The following CACNA1C variants were observed in gnomAD, a reference collection of about 807,000 sequenced individuals.
CACNA1C encodes the protein voltage-dependent L-type calcium channel subunit alpha-1C.
A neutral mutation model predicts 229.0 loss-of-function variants in CACNA1C; 30 were observed. The ratio of observed to expected loss-of-function variants is 0.13; its 90% CI spans 0.10 to 0.18. The LOEUF (loss-of-function observed/expected upper bound fraction) is 0.18. Among genes scored for constraint, CACNA1C ranks in the 10% least tolerant of loss-of-function variants. The probability of loss-of-function intolerance (pLI) is 1.00; values close to 1 mark genes in which losing one functional copy is unlikely to be tolerated. For synonymous variants in CACNA1C, 1,114 were observed against 1,132.5 expected (o/e 0.98, Z 0.33); for missense variants, 1,658 against 2,845.0 (o/e 0.58, Z 9.49).
At chr12:2,019,489 AAGGG>A (rs139670456) in intron 1 of CACNA1C, among the ~76,000 whole-genome samples, 140 of 129,096 alleles carry the variant, frequency 1.1e-3, no homozygotes, top group South Asian at 1.8e-3. Flanking sequence ...AAAGAAAAGA[AAGGG>A]AGGGAGGGAG....
chr12:2,355,435 A>G (rs2154528529), intron 3 of CACNA1C, among the ~76,000 whole-genome samples: 1 of 151,860 alleles, frequency 6.6e-6, no homozygotes. Flanking sequence ...GTGGTTCAGT[A>G]TTTTCAGAAG....
rs538289850 is a variant in CACNA1C at position 2,636,302 on chromosome 12, C to T, written c.3912+1922C>T. Among the ~76,000 whole-genome samples, 29 of 152,346 alleles carry T rather than the reference C, an allele frequency of 1.9e-4. No individual in the cohort carries two copies. In the South Asian group the frequency reaches 4.8e-3, roughly 25 times the overall value. ...AGCTCTGGGGGTCCTATGGGTTCTTCCTACAGTCACCAAGGCCCCATCGCT... is the reference window on the plus strand; with the variant it reads ...AGCTCTGGGGGTCCTATGGGTTCTTTCTACAGTCACCAAGGCCCCATCGCT... On this transcript the variant is annotated intron_variant, in intron 30 of 46. Coordinates refer to ENST00000399655, the MANE Select transcript of CACNA1C (RefSeq NM_000719.7).
chr12:2,281,560 C>A (rs1457111406), intron 3 of CACNA1C, among the ~76,000 whole-genome samples: 3 of 152,124 alleles, frequency 2.0e-5, no homozygotes, highest in African/African-American at 7.2e-5. Flanking sequence ...GTATAGAATT[C>A]TCAGGTGATA....
chr12:2,641,807 A>G (rs1381328042), intron 30 of CACNA1C: 1 of 701,978 alleles, frequency 1.4e-6, no homozygotes, highest in East Asian at 2.7e-5. Context: ...TACTTTTGTG[A>G]GGTCCCTCCC....
At chr12:2,296,667 T>A (rs1219217567) in intron 3 of CACNA1C, among the ~76,000 whole-genome samples, 2 of 152,132 alleles carry the variant, frequency 1.3e-5, no homozygotes, top group African/African-American at 4.8e-5. Context: ...TTCTCTACCG[T>A]AGAGCCAAGG....
chr12:2,291,147 T>A (rs2093457879), intron 3 of CACNA1C, among the ~76,000 whole-genome samples: 1 of 152,218 alleles, frequency 6.6e-6, no homozygotes, highest in African/African-American at 2.4e-5. Flanking sequence ...AAGCACCTAC[T>A]AGCGTGTCTG....
At chr12:2,451,441 T>G (rs2154563559) in intron 4 of CACNA1C, among the ~76,000 whole-genome samples, 1 of 152,310 alleles carries the variant, frequency 6.6e-6, no homozygotes, top group Non-Finnish European at 1.5e-5. Flanking sequence ...GGACGAATTT[T>G]GTTTAGGCAA....
At chr12:2,239,825 G>T (rs1221636185) in intron 3 of CACNA1C, among the ~76,000 whole-genome samples, 1 of 152,218 alleles carries the variant, frequency 6.6e-6, no homozygotes, top group Non-Finnish European at 1.5e-5. Context: ...CATCTGCGGG[G>T]GGCGGTGAAG....
chr12:2,673,959 TG>T (rs1415291157), intron 38 of CACNA1C, among the ~76,000 whole-genome samples: 2 of 152,238 alleles, frequency 1.3e-5, no homozygotes, highest in African/African-American at 4.8e-5. Context: ...CCCTTACAGC[TG>T]TAAGGCTCAG....
At chr12:2,292,881 G>A (rs767529854) in intron 3 of CACNA1C, among the ~76,000 whole-genome samples, 1 of 152,034 alleles carries the variant, frequency 6.6e-6, no homozygotes, top group Non-Finnish European at 1.5e-5. Context: ...GTGGGAGCCT[G>A]CATGCCTGGT....
intron 45 of CACNA1C, among the ~76,000 whole-genome samples, chr12:2,686,741 A>G (rs1036644692): frequency 6.6e-6 from 1 of 152,232 alleles, no homozygotes; most frequent in Non-Finnish European, 1.5e-5. Flanking sequence ...AGGGAATGAC[A>G]TCCGTGGGAA....
At chr12:2,455,325 A>G (rs1476042533) in intron 4 of CACNA1C, among the ~76,000 whole-genome samples, 2 of 151,164 alleles carry the variant, frequency 1.3e-5, no homozygotes, top group African/African-American at 4.9e-5. Flanking sequence ...AAATGTGGCT[A>G]ATCTGCATTG....
chr12:2,030,823 A>G (rs919392971), intron 1 of CACNA1C, among the ~76,000 whole-genome samples: 5 of 152,198 alleles, frequency 3.3e-5, no homozygotes, highest in African/African-American at 7.2e-5. Flanking sequence ...GGCTCAGGGA[A>G]CTTAGTTGAG....
intron 3 of CACNA1C, among the ~76,000 whole-genome samples, chr12:2,284,901 T>G (rs1434184268): frequency 6.6e-6 from 1 of 152,222 alleles, no homozygotes; most frequent in Non-Finnish European, 1.5e-5. Context: ...TGAAGCCTCC[T>G]CCTTGTTACC....
intron 3 of CACNA1C, among the ~76,000 whole-genome samples, chr12:2,237,483 T>C (rs1216603366): frequency 6.6e-6 from 1 of 152,224 alleles, no homozygotes; most frequent in Non-Finnish European, 1.5e-5. Context: ...AGAAAGGAAG[T>C]AATGAACTAA....
intron 27 of CACNA1C, among the ~76,000 whole-genome samples, chr12:2,609,235 G>A (rs1231559244): frequency 2.6e-5 from 4 of 152,262 alleles, no homozygotes; most frequent in African/African-American, 4.8e-5. Context: ...TCTGTTAGCC[G>A]TGAAGAGCTG....
intron 37 of CACNA1C, chr12:2,668,638 G>T: frequency 3.3e-6 from 1 of 303,304 alleles, no homozygotes; most frequent in Admixed American, 4.5e-5. Flanking sequence ...AGGCAGGTAC[G>T]TCACATGGAC....
At position 2,512,821 on chromosome 12, in the gene CACNA1C, C is replaced by T. The variant is rs753412341; in HGVS notation, c.1227C>T (p.Ser409=). ...LVLGVLSGEF[S]KEREKAKARG... ...CTCTCACTCTCACCAGAGAGTTTTC[C>T]AAAGAGAGGGAGAAGGCCAAGGCCC... The change falls in exon 9 of 47, where the codon TCC becomes TCT. Residue 409 remains serine (S), a synonymous_variant. Coordinates refer to ENST00000399655, the MANE Select transcript of CACNA1C (RefSeq NM_000719.7). This position sits in a 1 kb window ranked among gnomAD's most constrained non-coding sequence, Gnocchi z 4.3. The T allele has an allele frequency of 1.6e-5, 25 of 1,611,124 alleles. No individual in the cohort carries two copies. The highest frequency in any genetic ancestry group is 2.7e-5 in the African/African-American group (2 of 74,818).
chr12:2,236,759 C>G (rs2067534920), intron 3 of CACNA1C, among the ~76,000 whole-genome samples: 1 of 152,134 alleles, frequency 6.6e-6, no homozygotes, highest in Non-Finnish European at 1.5e-5. Flanking sequence ...GCCCAGCAAC[C>G]TGAGCAGAGG....
Sources: gnomAD v4.1 joint callset for allele counts (sites outside exome capture counted in the v4.1 genomes callset) on GRCh38, gnomAD v4.1.1 for gene constraint, Gnocchi (gnomAD v3.1) non-coding constraint, MANE v1.5 for transcripts, NCBI Gene and HGNC (gene_info 2026-07-23, HGNC 2026-07-21) for gene names.